The following FHIT variants were observed in gnomAD, a reference collection of about 807,000 sequenced individuals.
FHIT encodes bis(5'-adenosyl)-triphosphatase.
In FHIT, 19 loss-of-function variants were observed where a neutral mutation model predicts 17.9. That is an observed-to-expected ratio of 1.06 (90% CI 0.74 to 1.56). The LOEUF (loss-of-function observed/expected upper bound fraction) is 1.56. FHIT is among the 40% of genes most tolerant of loss of function. FHIT has a pLI of 0.00. For missense variants in FHIT, 248 were observed against 189.2 expected, an observed-to-expected ratio of 1.31 and a Z score of -1.82; for synonymous variants, 81 against 69.7, an observed-to-expected ratio of 1.16 and a Z score of -0.81.
chr3:60,044,558 A>G (rs1259544886), intron 5 of FHIT, among the ~76,000 whole-genome samples: 2 of 151,828 alleles, frequency 1.3e-5, no homozygotes, highest in African/African-American at 4.8e-5. Flanking sequence ...GAGAAGAAGG[A>G]AGAGGAGGAG....
chr3:60,377,777 G>C (rs566888068), intron 5 of FHIT, among the ~76,000 whole-genome samples: 34 of 151,604 alleles, frequency 2.2e-4, no homozygotes, highest in African/African-American at 8.0e-4. Context: ...CACCGCGCCC[G>C]GCCCAGCCAA....
At chr3:60,179,602 G>A (rs1248462527) in intron 5 of FHIT, among the ~76,000 whole-genome samples, 1 of 151,874 alleles carries the variant, frequency 6.6e-6, no homozygotes, top group Non-Finnish European at 1.5e-5. Context: ...GCCAAGACAG[G>A]AAAACTTATA....
chr3:60,202,468 G>A (rs954324052), intron 5 of FHIT, among the ~76,000 whole-genome samples: 2 of 152,162 alleles, frequency 1.3e-5, no homozygotes, highest in African/African-American at 4.8e-5. Context: ...CCTTTGTCAC[G>A]GTGTGTGGTC....
chr3:60,780,569 TAAACTC>T (rs782172094), intron 4 of FHIT, among the ~76,000 whole-genome samples: 3 of 152,160 alleles, frequency 2.0e-5, no homozygotes, highest in Non-Finnish European at 4.4e-5. Flanking sequence ...TTCAGGCCAT[TAAACTC>T]TAAACAATCA....
chr3:60,862,260 C>G (rs1251413509), intron 3 of FHIT, among the ~76,000 whole-genome samples: 5 of 151,982 alleles, frequency 3.3e-5, no homozygotes, highest in Non-Finnish European at 5.9e-5. Flanking sequence ...TTCACTGCAG[C>G]CTTGAACTCC....
chr3:60,859,530 GTAC>G (rs1703531959), intron 3 of FHIT, among the ~76,000 whole-genome samples: 1 of 151,802 alleles, frequency 6.6e-6, no homozygotes, highest in African/African-American at 2.4e-5. Flanking sequence ...CAGAAGTGAT[GTAC>G]ACCCTTTCCT....
In FHIT at chr3:60,907,912, T is replaced by C. The variant is rs1706521210; in HGVS notation, c.-110-85901A>G. On this transcript the variant is annotated intron_variant, in intron 3 of 9. Transcript: ENST00000492590. ...ACATATATCCATTTTACAGACAAAA[T>C]GGAAACCTATAGAAGTAAAATAACT... Among the ~76,000 whole-genome samples the C allele has an allele frequency of 2.0e-5, 3 of 152,200 alleles. No individual in the cohort carries two copies. The South Asian group carries it at 6.2e-4, about 31-fold the overall frequency.
intron 3 of FHIT, among the ~76,000 whole-genome samples, chr3:60,944,605 T>G (rs1427035366): frequency 6.6e-6 from 1 of 152,216 alleles, no homozygotes; most frequent in Non-Finnish European, 1.5e-5. Context: ...AAACTCATAG[T>G]GTGGCAGAGT....
intron 5 of FHIT, among the ~76,000 whole-genome samples, chr3:60,456,156 G>A (rs1251593794): frequency 6.6e-6 from 1 of 152,102 alleles, no homozygotes; most frequent in Non-Finnish European, 1.5e-5. Context: ...GCCCACAGAT[G>A]GGTTTGTACA....
At chr3:60,253,493 T>C (rs899082251) in intron 5 of FHIT, among the ~76,000 whole-genome samples, 5 of 152,178 alleles carry the variant, frequency 3.3e-5, no homozygotes, top group Non-Finnish European at 2.9e-5. Flanking sequence ...TGTCTATAGA[T>C]AGTCAAAATT....
chr3:60,721,364 T>C (rs1223103811), intron 4 of FHIT, among the ~76,000 whole-genome samples: 1 of 152,102 alleles, frequency 6.6e-6, no homozygotes, highest in Admixed American at 6.6e-5. Flanking sequence ...CAAAATGTGA[T>C]ATTGCCAAAG....
rs567970861 is a variant in FHIT, at chr3:59,748,342, G to C, written c.*1243C>G. Among the ~76,000 whole-genome samples, 4 of 152,198 alleles carry C rather than the reference G, an allele frequency of 2.6e-5. No individual in the cohort carries two copies. Among genetic ancestry groups the C allele is most frequent in the Non-Finnish European group, 5.9e-5 (4 of 67,990 alleles). On this transcript the variant is annotated 3_prime_UTR_variant, in exon 10 of 10. Transcript: ENST00000492590. ...TTTGGGGAACACTGTATTCGCCCAA[G>C]TGATGTTTATTTAGGCATGTGGTCA... is the stretch of plus-strand genomic sequence containing the variant.
intron 3 of FHIT, among the ~76,000 whole-genome samples, chr3:61,026,560 C>T (rs2032742759): frequency 1.3e-5 from 2 of 152,204 alleles, no homozygotes; most frequent in South Asian, 4.1e-4. Context: ...ACTTGTCCAA[C>T]CTGCAGCCCA....
chr3:60,639,372 T>C (rs187400877), intron 4 of FHIT, among the ~76,000 whole-genome samples: 11 of 152,164 alleles, frequency 7.2e-5, no homozygotes, highest in Admixed American at 5.2e-4. Context: ...TGCAAACATA[T>C]GAAGAGACCA....
At chr3:60,803,029 A>AATAAATAT (rs1365229807) in intron 4 of FHIT, among the ~76,000 whole-genome samples, 5 of 152,272 alleles carry the variant, frequency 3.3e-5, no homozygotes, top group African/African-American at 1.2e-4. Flanking sequence ...TAAATAAATA[A>AATAAATAT]ATAAATAGGA....
intron 5 of FHIT, among the ~76,000 whole-genome samples, chr3:60,074,562 T>C (rs1181644855): frequency 4.6e-5 from 7 of 151,938 alleles, no homozygotes; most frequent in Non-Finnish European, 8.8e-5. Context: ...GTCTCAAAGG[T>C]ATTTAATACA....
intron 5 of FHIT, among the ~76,000 whole-genome samples, chr3:60,339,017 G>A (rs967767366): frequency 2.0e-5 from 3 of 152,004 alleles, no homozygotes; most frequent in African/African-American, 7.3e-5. Flanking sequence ...GATACCATCT[G>A]GCATATAGTT....
intron 5 of FHIT, among the ~76,000 whole-genome samples, chr3:60,154,206 A>AT (rs1197973813): frequency 6.6e-6 from 1 of 152,150 alleles, no homozygotes; most frequent in East Asian, 1.9e-4. Context: ...CCAAGGTCTG[A>AT]TTTTTCACTC....
At chr3:60,492,742 G>A (rs1282317574) in intron 5 of FHIT, among the ~76,000 whole-genome samples, 1 of 151,948 alleles carries the variant, frequency 6.6e-6, no homozygotes. Context: ...CCTGACCTCA[G>A]GTGATCCACC....
Sources: allele counts gnomAD v4.1 joint callset (sites outside exome capture counted in the v4.1 genomes callset), GRCh38; gene constraint gnomAD v4.1.1; transcripts MANE v1.5; gene names NCBI Gene and HGNC (gene_info 2026-07-23, HGNC 2026-07-21).